Variants in ANKS1B observed in about 807,000 individuals in gnomAD.
ANKS1B encodes ankyrin repeat and sterile alpha motif domain-containing protein 1B.
Under a neutral mutation model 148.3 loss-of-function variants are expected in ANKS1B, and 36 were observed. That is an observed-to-expected ratio of 0.24 (90% CI 0.19 to 0.32). ANKS1B has a LOEUF of 0.32. Among genes scored for constraint, ANKS1B ranks in the 10% least tolerant of loss-of-function variants. The probability of loss-of-function intolerance (pLI) is 1.00; values close to 1 mark genes in which losing one functional copy is unlikely to be tolerated. For synonymous variants in ANKS1B, 542 were observed against 560.8 expected, an observed-to-expected ratio of 0.97 and a Z score of 0.47; for missense variants, 1,157 against 1,542.6, an observed-to-expected ratio of 0.75 and a Z score of 4.19.
chr12:98,939,733 T>C (rs1253793497), intron 17 of ANKS1B, among the ~76,000 whole-genome samples: 1 of 152,246 alleles, frequency 6.6e-6, no homozygotes, highest in Non-Finnish European at 1.5e-5. Flanking sequence ...AAGTTCTTGC[T>C]GTGTACATAT....
rs569292191 is a variant in ANKS1B, at chr12:99,488,178, G to C, written c.1438+16298C>G. On this transcript the variant is annotated intron_variant, in intron 10 of 26. Transcript: ENST00000683438. ...GCCTTTCTTTATGTTGGTTTTGCTT[G>C]ATCTTTCCTATTTTAACCCAATTCT... Among the ~76,000 whole-genome samples, 15 of 152,096 alleles carry C rather than the reference G, an allele frequency of 9.9e-5. No individual in the cohort carries two copies. The South Asian group carries it at 3.1e-3, about 32-fold the overall frequency.
intron 10 of ANKS1B, among the ~76,000 whole-genome samples, chr12:99,493,427 T>C (rs545622466): frequency 5.9e-5 from 9 of 151,550 alleles, no homozygotes; most frequent in South Asian, 4.2e-4. Context: ...GAAACTATTA[T>C]AATAGTCCAA....
chr12:99,228,930 G>A (rs778262776), intron 14 of ANKS1B, among the ~76,000 whole-genome samples: 2 of 151,640 alleles, frequency 1.3e-5, no homozygotes, highest in Non-Finnish European at 3.0e-5. Flanking sequence ...GTACATATAC[G>A]TCCATATAAA....
intron 17 of ANKS1B, among the ~76,000 whole-genome samples, chr12:98,912,276 G>T (rs920937652): frequency 6.6e-6 from 1 of 152,106 alleles, no homozygotes; most frequent in Non-Finnish European, 1.5e-5. Context: ...TCTTCATCAC[G>T]ACTCTGAGCA....
intron 12 of ANKS1B, among the ~76,000 whole-genome samples, chr12:99,346,295 C>T (rs2090665117): frequency 6.6e-6 from 1 of 151,172 alleles, no homozygotes; most frequent in Non-Finnish European, 1.5e-5. Context: ...CCTGCCTAAA[C>T]AATTTAACTC....
chr12:99,121,203 T>C (rs1322363613), intron 15 of ANKS1B, among the ~76,000 whole-genome samples: 1 of 151,792 alleles, frequency 6.6e-6, no homozygotes, highest in African/African-American at 2.4e-5. Context: ...GTGTGTAGGA[T>C]GGACATTAGA....
chr12:98,798,558 T>G (rs1396870718), intron 22 of ANKS1B, among the ~76,000 whole-genome samples: 1 of 152,214 alleles, frequency 6.6e-6, no homozygotes, highest in African/African-American at 2.4e-5. Flanking sequence ...CTCTTAATAC[T>G]TCTGCTTTTG....
At chr12:99,586,324 C>G (rs1470165741) in intron 9 of ANKS1B, among the ~76,000 whole-genome samples, 1 of 152,182 alleles carries the variant, frequency 6.6e-6, no homozygotes, top group Non-Finnish European at 1.5e-5. Flanking sequence ...GCAAGAGTGA[C>G]CTTTACTCCA....
intron 4 of ANKS1B, among the ~76,000 whole-genome samples, chr12:99,793,465 A>G (rs952071839): frequency 6.6e-6 from 1 of 151,986 alleles, no homozygotes; most frequent in Non-Finnish European, 1.5e-5. Context: ...GTACTGGCAT[A>G]AAATCAGACA....
At chr12:98,899,472 G>A (rs992525908) in intron 17 of ANKS1B, among the ~76,000 whole-genome samples, 3 of 152,178 alleles carry the variant, frequency 2.0e-5, no homozygotes, top group Non-Finnish European at 4.4e-5. Flanking sequence ...TGCAATTAAA[G>A]TCTATAGTCA....
chr12:98,813,360 C>T (rs2099113101), intron 19 of ANKS1B, among the ~76,000 whole-genome samples: 3 of 137,654 alleles, frequency 2.2e-5, no homozygotes, highest in Admixed American at 1.6e-4. Flanking sequence ...TACAGGGATG[C>T]ACCACTTCAC....
At chr12:99,464,804 ATCTACG>A (rs2096066670) in intron 10 of ANKS1B, among the ~76,000 whole-genome samples, 1 of 152,206 alleles carries the variant, frequency 6.6e-6, no homozygotes, top group Non-Finnish European at 1.5e-5. Context: ...AAAAGACCAA[ATCTACG>A]TCTGATTGGT....
chr12:99,144,400 T>C (rs2072195999), intron 15 of ANKS1B, among the ~76,000 whole-genome samples: 1 of 152,048 alleles, frequency 6.6e-6, no homozygotes, highest in Non-Finnish European at 1.5e-5. Context: ...AAACTCTAAG[T>C]TATTAGAAAG....
intron 15 of ANKS1B, among the ~76,000 whole-genome samples, chr12:99,153,770 A>G (rs2075552558): frequency 6.6e-6 from 1 of 152,162 alleles, no homozygotes; most frequent in East Asian, 1.9e-4. Context: ...ATAATTGACC[A>G]TCTGAAGCAG....
At chr12:99,047,898 G>T (rs572123594) in intron 17 of ANKS1B, among the ~76,000 whole-genome samples, 1 of 152,200 alleles carries the variant, frequency 6.6e-6, no homozygotes, top group African/African-American at 2.4e-5. Context: ...AGCTTGGTTG[G>T]CTTCAAGGGT....
intron 15 of ANKS1B, among the ~76,000 whole-genome samples, chr12:99,138,267 C>T (rs2068829512): frequency 6.6e-6 from 1 of 152,106 alleles, no homozygotes; most frequent in South Asian, 2.1e-4. Flanking sequence ...CAACTGAGAA[C>T]ACAGAATATC....
Position 99,561,685 on chromosome 12 carries a change from C to A in ANKS1B, c.1273-57044G>T, listed in dbSNP as rs1440717117. Among the ~76,000 whole-genome samples, 4 of 152,078 alleles carry A rather than the reference C, an allele frequency of 2.6e-5. No individual in the cohort carries two copies. The South Asian group carries it at 6.2e-4, about 24-fold the overall frequency. ...ATCATGATATTGCAGCCAATCAGTC[C>A]CATCTACAGGCTCCATTTCTAATTC... On this transcript the variant is annotated intron_variant, in intron 9 of 26. Coordinates refer to ENST00000683438, the MANE Select transcript of ANKS1B (RefSeq NM_001352186.2).
At chr12:99,264,780 T>A (rs1483752647) in intron 12 of ANKS1B, among the ~76,000 whole-genome samples, 1 of 152,132 alleles carries the variant, frequency 6.6e-6, no homozygotes, top group African/African-American at 2.4e-5. Flanking sequence ...TAGGAAATTC[T>A]CCTTTTCACC....
chr12:99,149,287 G>A (rs2074191749), intron 15 of ANKS1B, among the ~76,000 whole-genome samples: 1 of 152,080 alleles, frequency 6.6e-6, no homozygotes, highest in Non-Finnish European at 1.5e-5. Context: ...TGGGAAAAAA[G>A]TTTTAATGAA....
Sources: allele counts gnomAD v4.1 joint callset (sites outside exome capture counted in the v4.1 genomes callset), GRCh38; gene constraint gnomAD v4.1.1; transcripts MANE v1.5; gene names NCBI Gene and HGNC (gene_info 2026-07-23, HGNC 2026-07-21).